The following TAFA2 variants were observed in gnomAD, a reference collection of about 807,000 sequenced individuals.
TAFA2 encodes the protein TAFA chemokine like family member 2.
In TAFA2, 7 loss-of-function variants were observed where a neutral mutation model predicts 18.8. That is an observed-to-expected ratio of 0.37 (90% CI 0.21 to 0.70). The LOEUF (loss-of-function observed/expected upper bound fraction) is 0.70. Ranked by LOEUF, TAFA2 falls within the 30% of genes least tolerant of loss-of-function variation. TAFA2 has a pLI of 0.53. For missense variants in TAFA2, 122 were observed against 158.1 expected (o/e 0.77, Z 1.23); for synonymous variants, 60 against 54.2 (o/e 1.11, Z -0.47).
At chr12:62,189,823 GATA>G (rs1257064770) in intron 1 of TAFA2, among the ~76,000 whole-genome samples, 1 of 152,114 alleles carries the variant, frequency 6.6e-6, no homozygotes, top group Non-Finnish European at 1.5e-5. Context: ...ACAAGAATCA[GATA>G]ATTATCATTC....
At chr12:62,048,494 G>A (rs1201713074) in intron 1 of TAFA2, among the ~76,000 whole-genome samples, 1 of 152,140 alleles carries the variant, frequency 6.6e-6, no homozygotes, top group African/African-American at 2.4e-5. Flanking sequence ...GGCACACAAA[G>A]CCTAACCATA....
At chr12:61,891,458 C>A (rs1875631114) in intron 1 of TAFA2, among the ~76,000 whole-genome samples, 1 of 152,134 alleles carries the variant, frequency 6.6e-6, no homozygotes, top group Non-Finnish European at 1.5e-5. Context: ...ACCAGCCTGA[C>A]CAACATGGAG....
At chr12:61,939,003 T>A (rs1272290196) in intron 1 of TAFA2, among the ~76,000 whole-genome samples, 1 of 152,016 alleles carries the variant, frequency 6.6e-6, no homozygotes, top group Non-Finnish European at 1.5e-5. Context: ...AATCTTAGAC[T>A]TCACCACTAT....
At chr12:61,848,368 G>A (rs1873493382) in intron 2 of TAFA2, among the ~76,000 whole-genome samples, 1 of 152,114 alleles carries the variant, frequency 6.6e-6, no homozygotes, top group African/African-American at 2.4e-5. Flanking sequence ...TTTTGGAGGT[G>A]CTTGATCTAT....
At chr12:62,126,715 A>T (rs2136887564) in intron 1 of TAFA2, among the ~76,000 whole-genome samples, 1 of 152,178 alleles carries the variant, frequency 6.6e-6, no homozygotes, top group East Asian at 1.9e-4. Context: ...CAAATTAGAG[A>T]TGAGATGAGA....
intron 1 of TAFA2, among the ~76,000 whole-genome samples, chr12:62,137,412 A>G (rs1030540897): frequency 6.6e-6 from 1 of 152,144 alleles, no homozygotes; most frequent in African/African-American, 2.4e-5. Context: ...ATAAATGGAA[A>G]CAATGGTTCC....
chr12:61,866,790 A>G (rs1486072519), intron 2 of TAFA2, among the ~76,000 whole-genome samples: 2 of 152,204 alleles, frequency 1.3e-5, no homozygotes, highest in South Asian at 2.1e-4. Flanking sequence ...AAATTTACAT[A>G]TAGACATATT....
intron 1 of TAFA2, among the ~76,000 whole-genome samples, chr12:61,957,087 G>A (rs549108936): frequency 1.3e-5 from 2 of 152,234 alleles, no homozygotes; most frequent in South Asian, 4.1e-4. Context: ...GACAGAGATG[G>A]CAGTTAAATG....
rs55651727 is a variant in TAFA2 at position 61,851,774 on chromosome 12, C to CAAAA, written c.106+15542_106+15545dup. 6.2e-4 allele frequency among the ~76,000 whole-genome samples: 9 copies of CAAAA among 14,500 alleles called. 1 individual carries two copies. Among genetic ancestry groups the CAAAA allele is most frequent in the Non-Finnish European group, 8.3e-4 (5 of 6,012 alleles). The allele number at this position is 14,500 out of a possible 152,430, so 9.5% of individuals were successfully genotyped here. On this transcript the variant is annotated intron_variant, in intron 2 of 4. Transcript: ENST00000416284. ...TGGGCGACAGAGCGAGACTCCATCTCAAAAAAAAAAAAAAAAAAAAAAAAA... is the reference window on the plus strand; with the variant it reads ...TGGGCGACAGAGCGAGACTCCATCTCAAAAAAAAAAAAAAAAAAAAAAAAAAAAA...
intron 4 of TAFA2, among the ~76,000 whole-genome samples, chr12:61,727,022 T>C (rs1186573800): frequency 6.6e-6 from 1 of 152,032 alleles, no homozygotes; most frequent in East Asian, 1.9e-4. Context: ...TTATGTGATG[T>C]ATCACATTTA....
chr12:61,980,665 A>C (rs1879600881), intron 1 of TAFA2, among the ~76,000 whole-genome samples: 1 of 152,194 alleles, frequency 6.6e-6, no homozygotes, highest in Non-Finnish European at 1.5e-5. Flanking sequence ...CACCATTAAC[A>C]GACAAACGGA....
chr12:62,209,739 C>G (rs972442919), intron 1 of TAFA2, among the ~76,000 whole-genome samples: 20 of 152,192 alleles, frequency 1.3e-4, no homozygotes, highest in African/African-American at 4.6e-4. Flanking sequence ...TTTAACTAAA[C>G]TAAGTAGAGG....
chr12:62,246,769 T>C (rs749070909), intron 1 of TAFA2, among the ~76,000 whole-genome samples: 2 of 152,306 alleles, frequency 1.3e-5, no homozygotes, highest in East Asian at 1.9e-4. Flanking sequence ...ATTTGATTGA[T>C]AGCAGATGTA....
intron 1 of TAFA2, among the ~76,000 whole-genome samples, chr12:61,904,911 T>G (rs1252570149): frequency 6.6e-6 from 1 of 152,218 alleles, no homozygotes; most frequent in African/African-American, 2.4e-5. Context: ...AATAAAATGT[T>G]ACAAAAATCT....
At chr12:61,787,090 A>G (rs73324053) in intron 2 of TAFA2, among the ~76,000 whole-genome samples, 4,362 of 151,588 alleles carry the variant, frequency 0.029, 214 homozygotes, top group African/African-American at 0.099. Context: ...AAACAGCAGA[A>G]CCCAACTATT....
At chr12:61,777,031 C>G (rs1018038064) in intron 2 of TAFA2, among the ~76,000 whole-genome samples, 1 of 151,848 alleles carries the variant, frequency 6.6e-6, no homozygotes, top group African/African-American at 2.4e-5. Context: ...AATTAATTTT[C>G]TTGAAAAGAT....
intron 1 of TAFA2, among the ~76,000 whole-genome samples, chr12:61,992,031 G>A (rs12820130): frequency 6.6e-6 from 1 of 152,066 alleles, no homozygotes; most frequent in Non-Finnish European, 1.5e-5. Context: ...ATATAACTCA[G>A]GTCTTGATCC....
At chr12:61,931,018 CA>C (rs1450675810) in intron 1 of TAFA2, among the ~76,000 whole-genome samples, 2 of 152,176 alleles carry the variant, frequency 1.3e-5, no homozygotes, top group Non-Finnish European at 2.9e-5. Flanking sequence ...ACTAGACAGA[CA>C]GATGAGAGAT....
At chr12:62,216,806 G>C (rs888645594) in intron 1 of TAFA2, among the ~76,000 whole-genome samples, 1 of 152,114 alleles carries the variant, frequency 6.6e-6, no homozygotes, top group Non-Finnish European at 1.5e-5. Flanking sequence ...AAAGATGCCC[G>C]AACTGGTCAT....
Sources: allele counts gnomAD v4.1 joint callset (sites outside exome capture counted in the v4.1 genomes callset), GRCh38; gene constraint gnomAD v4.1.1; transcripts MANE v1.5; gene names NCBI Gene and HGNC (gene_info 2026-07-23, HGNC 2026-07-21).